PAQR9: variants seen among roughly 807,000 people sequenced by gnomAD.
The protein encoded by PAQR9 is progestin and adipoQ receptor family member 9.
PAQR9 carries 12 observed loss-of-function variants against 24.0 expected under a neutral mutation model. The observed-to-expected ratio is 0.50, with a 90% CI of 0.32 to 0.81. The LOEUF (loss-of-function observed/expected upper bound fraction) is 0.81, where lower values mean the gene tolerates loss of function less well. Among genes scored for constraint, PAQR9 ranks in the 30% least tolerant of loss-of-function variants. The pLI, the probability that PAQR9 is intolerant of heterozygous loss-of-function variation, is 0.03. For synonymous variants in PAQR9, 266 were observed against 237.6 expected, an observed-to-expected ratio of 1.12 and a Z score of -1.10; for missense variants, 418 against 520.8, an observed-to-expected ratio of 0.80 and a Z score of 1.92.
In PAQR9 at chr3:142,955,657, GCCTCA is replaced by G. The variant is rs1264449359; in HGVS notation, c.*6541_*6545del. Among the ~76,000 whole-genome samples the G allele has an allele frequency of 5.3e-5, 8 of 151,982 alleles. No individual in the cohort carries two copies. The highest frequency in any genetic ancestry group is 1.2e-4 in the Non-Finnish European group (8 of 67,996). On this transcript the variant is annotated 3_prime_UTR_variant, in exon 1 of 1. Transcript: ENST00000340634. ...TTATAAACTCATCAAAGTGAAAGGT[GCCTCA>G]CCTCTTTATTGCCTTGGTACTCAGT...
chr3:142,961,542 A>T lies in PAQR9; in HGVS notation c.*661T>A, dbSNP rs1224546916. The T allele has an allele frequency of 6.5e-6, 1 of 153,454 alleles. No individual in the cohort carries two copies. Among genetic ancestry groups the T allele is most frequent in the Non-Finnish European group, 1.5e-5 (1 of 68,652 alleles). The allele number at this position is 153,454 out of a possible 1,614,324, so 9.5% of individuals were successfully genotyped here. A position where few individuals can be genotyped will look rare whatever the true frequency, so the allele number is the denominator to read the frequency against. ...CCAGTTCAAGTGTATGCAATGCAGA[A>T]GGCTGTGAAATTCAAAACTATGTGA... is the stretch of plus-strand genomic sequence containing the variant. On this transcript the variant is annotated 3_prime_UTR_variant, in exon 1 of 1. Transcript: ENST00000340634.
chr3:142,963,390 G>C lies in PAQR9; in HGVS notation c.-54C>G. The C allele has an allele frequency of 2.7e-6, 3 of 1,123,100 alleles. No homozygotes were observed. Among genetic ancestry groups the C allele is most frequent in the Non-Finnish European group, 3.3e-6 (3 of 920,114 alleles). The allele number at this position is 1,123,100 out of a possible 1,614,324, so 69.6% of individuals were successfully genotyped here. A position where few individuals can be genotyped will look rare whatever the true frequency, so the allele number is the denominator to read the frequency against. On this transcript the variant is annotated 5_prime_UTR_variant, in exon 1 of 1. Transcript: ENST00000340634. The stretch of plus-strand genomic sequence containing the variant: ...CAGGCGACCTCTGGCGCCGGCTCCC[G>C]GGCGCTGGGCAGCCCCCGCCGGCCG...
rs1934780546 is a variant in PAQR9, at chr3:142,955,628, A to G, written c.*6575T>C. On this transcript the variant is annotated 3_prime_UTR_variant, in exon 1 of 1. Coordinates refer to ENST00000340634, the MANE Select transcript of PAQR9 (RefSeq NM_198504.4). ...CATTTTATTGGCTACGTTATTCACCATGCTTATAAACTCATCAAAGTGAAA... is the reference window on the plus strand; with the variant it reads ...CATTTTATTGGCTACGTTATTCACCGTGCTTATAAACTCATCAAAGTGAAA... Among the ~76,000 whole-genome samples, 1 of 152,050 alleles carries G rather than the reference A, an allele frequency of 6.6e-6. No homozygotes were observed. Among genetic ancestry groups the G allele is most frequent in the African/African-American group, 2.4e-5 (1 of 41,400 alleles).
downstream of PAQR9, among the ~76,000 whole-genome samples, chr3:142,953,532 C>T (rs1934748185): frequency 6.6e-6 from 1 of 152,140 alleles, no homozygotes; most frequent in Non-Finnish European, 1.5e-5. Flanking sequence ...TAACAGGGAC[C>T]CCACACTGGT....
rs202006585 is a variant in PAQR9, at chr3:142,962,624, T to C, written c.713A>G (p.Tyr238Cys). The C allele has an allele frequency of 1.3e-5, 21 of 1,612,520 alleles. No individual in the cohort carries two copies. The highest frequency in any genetic ancestry group is 4.2e-6 in the Non-Finnish European group (5 of 1,179,458). ...CCKSRTDWCT[Y>C]PFALRTFVFV... ...GACGAAGGTGCGCAGCGCGAACGGG[T>C]AGGTACACCAGTCGGTACGGCTCTT... The change falls in exon 1 of 1, where the codon TAC becomes TGC. Residue 238 changes from tyrosine to cysteine, a missense_variant. By Grantham distance (194) the Tyr-to-Cys change is radical. Coordinates refer to ENST00000340634, the MANE Select transcript of PAQR9 (RefSeq NM_198504.4).
chr3:142,958,754 A>G lies in PAQR9; in HGVS notation c.*3449T>C, dbSNP rs893274063. Among the ~76,000 whole-genome samples the G allele has an allele frequency of 6.6e-6, 1 of 152,312 alleles. No individual in the cohort carries two copies. The highest frequency in any genetic ancestry group is 1.5e-5 in the Non-Finnish European group (1 of 68,036). On this transcript the variant is annotated 3_prime_UTR_variant, in exon 1 of 1. Coordinates refer to ENST00000340634, the MANE Select transcript of PAQR9 (RefSeq NM_198504.4). ...CCACTCTGTCCAGCTCTGTAGCCCC[A>G]TACTTTCTCCCTGGGCTATTTATAG...
At chr3:142,963,951 C>G (rs1368529648), upstream of PAQR9, 1 of 914,352 alleles carries the variant, frequency 1.1e-6, no homozygotes, top group Admixed American at 6.2e-5. Flanking sequence ...GCGCCGAGTA[C>G]TAGAGTCGGC....
chr3:142,949,245 T>G (rs1013092890), exon 3 of PAQR9: 1 of 152,250 alleles, frequency 6.6e-6, no homozygotes, highest in African/African-American at 2.4e-5. Context: ...CATTTCTGTG[T>G]AACTAAAGTA....
rs1277757114 is a variant in PAQR9 at position 142,960,952 on chromosome 3, G to A, written c.*1251C>T. On this transcript the variant is annotated 3_prime_UTR_variant, in exon 1 of 1. Transcript: ENST00000340634. ...TGCCTTGTTTATTCTTGGATATTATGTTTTTAATTTTAAGCAAGGATGGAT... is the reference window on the plus strand; with the variant it reads ...TGCCTTGTTTATTCTTGGATATTATATTTTTAATTTTAAGCAAGGATGGAT... 6.6e-6 allele frequency: 1 copy of A among 152,164 alleles called. No homozygotes were observed. Among genetic ancestry groups the A allele is most frequent in the Non-Finnish European group, 1.5e-5 (1 of 68,012 alleles). The allele number at this position is 152,164 out of a possible 1,614,324, so 9.4% of individuals were successfully genotyped here.
rs747173799 is a variant in PAQR9, at chr3:142,962,250, C to A, written c.1087G>T (p.Val363Leu). The part of the protein sequence containing the change: ...MLLLVVCLGL[V>L]IRKFLNSSEF... ...GAGCTGTTTAGGAACTTCCTGATTA[C>A]CAGCCCCAGGCAGACCACCAGCAGC... Residue 363 changes from valine (V) to leucine (L), a missense_variant, in exon 1 of 1, where the codon GTA (valine) becomes TTA (leucine). Val to Leu is a conservative substitution (Grantham distance 32, BLOSUM62 1). Transcript: ENST00000340634. 6.2e-7 allele frequency: 1 copy of A among 1,614,012 alleles called. No individual in the cohort carries two copies.
chr3:142,963,331 C>T lies in PAQR9; in HGVS notation c.6G>A (p.Pro2=). ...CCGCGCCCCGGGGCTGCAGGCGCCG[C>T]GGCATGGTGCCCGGGGCTCGGCTAG... is the stretch of plus-strand genomic sequence containing the variant. The part of the protein sequence containing the change: M[P]RRLQPRGAGT... The change falls in exon 1 of 1, where the codon CCG becomes CCA. Residue 2 remains proline, a synonymous_variant. Transcript: ENST00000340634. 1.5e-6 allele frequency: 2 copies of T among 1,360,176 alleles called. No homozygotes were observed. The highest frequency in any genetic ancestry group is 1.9e-6 in the Non-Finnish European group (2 of 1,063,212). 84.3% of individuals were successfully genotyped at this position (1,360,176 alleles called of 1,614,324 possible). A position where few individuals can be genotyped will look rare whatever the true frequency, so the allele number is the denominator to read the frequency against.
downstream of PAQR9, among the ~76,000 whole-genome samples, chr3:142,951,333 T>C (rs566705880): frequency 1.3e-5 from 2 of 152,232 alleles, no homozygotes; most frequent in East Asian, 3.8e-4. Flanking sequence ...ATTTTCCTAG[T>C]GTTTCTTTTT....
chr3:142,962,916 C>G lies in PAQR9; in HGVS notation c.421G>C (p.Val141Leu). 1 of 1,613,852 alleles carries G rather than the reference C, an allele frequency of 6.2e-7. No individual in the cohort carries two copies. The highest frequency in any genetic ancestry group is 1.7e-5 in the Admixed American group (1 of 60,012). ...LTFAMSCTAH[V>L]FSCLSLRLRA... ...AGACGCAGCGACAGGCAGCTGAACA[C>G]GTGCGCCGTGCAGCTCATGGCGAAG... Residue 141 changes from valine (V) to leucine (L), a missense_variant, in exon 1 of 1, where the codon GTG (valine) becomes CTG (leucine). Coordinates refer to ENST00000340634, the MANE Select transcript of PAQR9 (RefSeq NM_198504.4).
chr3:142,961,685 C>A lies in PAQR9; in HGVS notation c.*518G>T. ...AAATAATTAACTTGTGTTCACATTC[C>A]ATGCATTTTCTAGCAGGTTAAGCCC... On this transcript the variant is annotated 3_prime_UTR_variant, in exon 1 of 1. Coordinates refer to ENST00000340634, the MANE Select transcript of PAQR9 (RefSeq NM_198504.4). The A allele has an allele frequency of 6.3e-6, 1 of 158,184 alleles. No individual in the cohort carries two copies. The highest frequency in any genetic ancestry group is 6.0e-5 in the Admixed American group (1 of 16,688). 9.8% of individuals were successfully genotyped at this position (158,184 alleles called of 1,614,324 possible).
At position 142,962,642 on chromosome 3, in the gene PAQR9, C is replaced by A; in HGVS notation, c.695G>T (p.Arg232Leu). The A allele has an allele frequency of 6.2e-7, 1 of 1,611,082 alleles. No individual in the cohort carries two copies. Among genetic ancestry groups the A allele is most frequent in the Non-Finnish European group, 8.5e-7 (1 of 1,178,786 alleles). ...VACTVACCKS[R>L]TDWCTYPFAL... ...GAACGGGTAGGTACACCAGTCGGTA[C>A]GGCTCTTGCAGCAGGCCACAGTGCA... Residue 232 changes from arginine to leucine, a missense_variant, in exon 1 of 1, where the codon CGT becomes CTT. Transcript: ENST00000340634.
In PAQR9 at chr3:142,957,951, G is replaced by A. The variant is rs1009126720; in HGVS notation, c.*4252C>T. Among the ~76,000 whole-genome samples, 7 of 152,306 alleles carry A rather than the reference G, an allele frequency of 4.6e-5. No homozygotes were observed. Among genetic ancestry groups the A allele is most frequent in the Admixed American group, 4.6e-4 (7 of 15,300 alleles). On this transcript the variant is annotated 3_prime_UTR_variant, in exon 1 of 1. Coordinates refer to ENST00000340634, the MANE Select transcript of PAQR9 (RefSeq NM_198504.4). ...TTACGGCATTCTACCTACAGCCAAG[G>A]TCAGAGTTTGGTTCCTGGCCAGAGA...
At position 142,954,587 on chromosome 3, in the gene PAQR9, T is replaced by G. The variant is rs1387045272; in HGVS notation, c.*7616A>C. Among the ~76,000 whole-genome samples the G allele has an allele frequency of 6.6e-6, 1 of 152,240 alleles. No individual in the cohort carries two copies. The highest frequency in any genetic ancestry group is 2.4e-5 in the African/African-American group (1 of 41,460). ...CAGATGTGTACGATCCTAAACACTG[T>G]GCTTACAAATAATTTATTCTTATTT... On this transcript the variant is annotated 3_prime_UTR_variant, in exon 1 of 1. Coordinates refer to ENST00000340634, the MANE Select transcript of PAQR9 (RefSeq NM_198504.4).
rs139804077 is a variant in PAQR9 at position 142,963,079 on chromosome 3, G to A, written c.258C>T (p.Asn86=). ...GCAGCGGGATGAAGTGCGTCCAGAA[G>A]TTGAGCGTCTCGTTGGTAGGCTTCA... ...SVLKPTNETL[N]FWTHFIPLLL... Residue 86 remains asparagine, a synonymous_variant, in exon 1 of 1, where the codon AAC becomes AAT. Transcript: ENST00000340634. 4.5e-5 allele frequency: 72 copies of A among 1,614,178 alleles called. No individual in the cohort carries two copies. In the African/African-American group the frequency reaches 7.7e-4, roughly 17 times the overall value.
rs905331131 is a variant in PAQR9, at chr3:142,956,110, A to C, written c.*6093T>G. Among the ~76,000 whole-genome samples the C allele has an allele frequency of 1.3e-5, 2 of 152,244 alleles. No individual in the cohort carries two copies. The highest frequency in any genetic ancestry group is 2.9e-5 in the Non-Finnish European group (2 of 68,046). ...AAATACTTTTTTAAAAAATTTTCCC[A>C]GGAATTTTATTTTTTGCATCCAGCA... is the stretch of plus-strand genomic sequence containing the variant. On this transcript the variant is annotated 3_prime_UTR_variant, in exon 1 of 1. Coordinates refer to ENST00000340634, the MANE Select transcript of PAQR9 (RefSeq NM_198504.4).
Sources: gnomAD v4.1 joint callset for allele counts (sites outside exome capture counted in the v4.1 genomes callset) on GRCh38, gnomAD v4.1.1 for gene constraint, MANE v1.5 for transcripts, NCBI Gene and HGNC (gene_info 2026-07-23, HGNC 2026-07-21) for gene names.